Variants in CACNB2 observed in about 807,000 individuals in gnomAD.
CACNB2 encodes voltage-dependent L-type calcium channel subunit beta-2.
A neutral mutation model predicts 73.3 loss-of-function variants in CACNB2; 42 were observed. That is an observed-to-expected ratio of 0.57 (90% CI 0.45 to 0.74). The LOEUF is 0.74. CACNB2 is among the 30% of genes least tolerant of loss of function. The pLI is 0.00. For synonymous variants in CACNB2, 348 were observed against 310.3 expected (o/e 1.12, Z -1.28); for missense variants, 940 against 853.0 (o/e 1.10, Z -1.27).
At chr10:18,450,167 C>T (rs556647863) in intron 3 of CACNB2, among the ~76,000 whole-genome samples, 1 of 152,256 alleles carries the variant, frequency 6.6e-6, no homozygotes, top group South Asian at 2.1e-4. Context: ...AAAGAATAAA[C>T]GGTAGGTAAA....
chr10:18,528,656 G>A (rs1373986250), intron 10 of CACNB2, among the ~76,000 whole-genome samples: 1 of 151,872 alleles, frequency 6.6e-6, no homozygotes, highest in Non-Finnish European at 1.5e-5. Flanking sequence ...ATACATTATA[G>A]AACTCAGTTT....
At chr10:18,535,828 TA>T (rs2053518830) in intron 11 of CACNB2, among the ~76,000 whole-genome samples, 1 of 152,104 alleles carries the variant, frequency 6.6e-6, no homozygotes, top group Non-Finnish European at 1.5e-5. Context: ...AATTTTTAAA[TA>T]AATGTTTTAA....
At chr10:18,394,200 G>A (rs906006957) in intron 2 of CACNB2, among the ~76,000 whole-genome samples, 3 of 152,032 alleles carry the variant, frequency 2.0e-5, no homozygotes, top group African/African-American at 7.2e-5. Context: ...CTGGTGATCT[G>A]CCTGCCTCGG....
rs751930257 is a variant in CACNB2, at chr10:18,214,626, CAAAAAAA to C, written c.213+63674_213+63680del. On this transcript the variant is annotated intron_variant, in intron 2 of 13. Coordinates refer to ENST00000324631, the MANE Select transcript of CACNB2 (RefSeq NM_201596.3). The stretch of plus-strand genomic sequence containing the variant: ...TGGGCAATGGAGTGAGACTCCATCT[CAAAAAAA>C]AAAAAAAAAAAAAAAAAAAAAATTA... 1.2e-3 allele frequency among the ~76,000 whole-genome samples: 18 copies of C among 15,102 alleles called. 1 individual carries two copies. Among genetic ancestry groups the C allele is most frequent in the African/African-American group, 1.8e-3 (17 of 9,246 alleles). The allele number at this position is 15,102 out of a possible 152,430, so 9.9% of individuals were successfully genotyped here.
At chr10:18,384,100 T>C (rs1340454197) in intron 2 of CACNB2, among the ~76,000 whole-genome samples, 1 of 152,114 alleles carries the variant, frequency 6.6e-6, no homozygotes, top group African/African-American at 2.4e-5. Flanking sequence ...AGAAGCAAGG[T>C]TATCAGGGCC....
rs555862982 is a variant in CACNB2, at chr10:18,371,204, ATT to A, written c.214-30717_214-30716del. ...GATTACTGTTAAGTTTACTGTTTTT[ATT>A]TTGTTTTTTTTAATTATACTTTAAG... is the stretch of plus-strand genomic sequence containing the variant. On this transcript the variant is annotated intron_variant, in intron 2 of 13. Transcript: ENST00000324631. 8.0e-3 allele frequency among the ~76,000 whole-genome samples: 1,092 copies of A among 137,148 alleles called. 21 individuals carry two copies. Among genetic ancestry groups the A allele is most frequent in the African/African-American group, 0.028 (1,036 of 37,336 alleles). 90.0% of individuals were successfully genotyped at this position (137,148 alleles called of 152,430 possible). A position where few individuals can be genotyped will look rare whatever the true frequency, so the allele number is the denominator to read the frequency against.
intron 2 of CACNB2, among the ~76,000 whole-genome samples, chr10:18,178,973 A>C (rs1415696118): frequency 1.3e-5 from 2 of 152,130 alleles, no homozygotes; most frequent in African/African-American, 2.4e-5. Context: ...TATAGAAAGC[A>C]CTTGAGACTC....
chr10:18,379,609 C>T (rs1473859307), intron 2 of CACNB2, among the ~76,000 whole-genome samples: 1 of 152,168 alleles, frequency 6.6e-6, no homozygotes, highest in Non-Finnish European at 1.5e-5. Flanking sequence ...ACATTTTCGT[C>T]TTTCCTGGCT....
At chr10:18,220,906 C>T (rs1470247292) in intron 2 of CACNB2, among the ~76,000 whole-genome samples, 1 of 152,190 alleles carries the variant, frequency 6.6e-6, no homozygotes, top group African/African-American at 2.4e-5. Context: ...TGAAACCGGC[C>T]TCTGGTGCCA....
chr10:18,463,819 C>T (rs758775282), intron 3 of CACNB2, among the ~76,000 whole-genome samples: 1 of 152,018 alleles, frequency 6.6e-6, no homozygotes, highest in Non-Finnish European at 1.5e-5. Context: ...TATGGAGTGG[C>T]CCATGATCAG....
chr10:18,235,216 GCTGGGGCAGGAGGATCGCTGGAGA>G (rs1452300790), intron 2 of CACNB2, among the ~76,000 whole-genome samples: 4 of 151,878 alleles, frequency 2.6e-5, no homozygotes, highest in African/African-American at 9.7e-5. Flanking sequence ...ACTTTGGGAG[GCTGGGGCAGGAGGATCGCTGGAGA>G]CTGGGCATTC....
Position 18,179,428 on chromosome 10 carries a change from C to G in CACNB2, c.213+28453C>G, listed in dbSNP as rs550345773. Among the ~76,000 whole-genome samples, 7 of 152,280 alleles carry G rather than the reference C, an allele frequency of 4.6e-5. No individual in the cohort carries two copies. In the South Asian group the frequency reaches 1.5e-3, roughly 32 times the overall value. On this transcript the variant is annotated intron_variant, in intron 2 of 13. Coordinates refer to ENST00000324631, the MANE Select transcript of CACNB2 (RefSeq NM_201596.3). ...TGCATCCCACCCCAACCATTATGTT[C>G]TTTCCATTTAGTCTGTAACTTACCT...
intron 2 of CACNB2, among the ~76,000 whole-genome samples, chr10:18,337,356 C>T (rs1365610538): frequency 6.6e-6 from 1 of 152,140 alleles, no homozygotes; most frequent in Non-Finnish European, 1.5e-5. Flanking sequence ...TCCATCTCAG[C>T]CTCCCAAAGT....
At chr10:18,259,560 CAAACAAAAAA>C (rs1424853105) in intron 2 of CACNB2, among the ~76,000 whole-genome samples, 4 of 77,656 alleles carry the variant, frequency 5.2e-5, no homozygotes, top group Non-Finnish European at 6.9e-5. Flanking sequence ...AAACAAAAAA[CAAACAAAAAA>C]AAAAAGTAAA....
intron 1 of CACNB2, chr10:18,141,113 C>G (rs566307514): frequency 1.3e-6 from 2 of 1,549,428 alleles, no homozygotes; most frequent in African/African-American, 2.7e-5. Flanking sequence ...CCAGTCCTCC[C>G]AGACTTCTCC....
At chr10:18,502,824 G>A (rs114371022) in intron 5 of CACNB2, among the ~76,000 whole-genome samples, 20,471 of 151,786 alleles carry the variant, frequency 0.13, 1,586 homozygotes, top group Middle Eastern at 0.2. Context: ...AGGATGGGAG[G>A]AGGGTGAGGA....
At chr10:18,206,273 G>C (rs1282047305) in intron 2 of CACNB2, 1 of 152,390 alleles carries the variant, frequency 6.6e-6, no homozygotes, top group Non-Finnish European at 1.5e-5. Flanking sequence ...GACTACAGGC[G>C]TGAGCCACTG....
chr10:18,199,106 A>T (rs2034757871), intron 2 of CACNB2, among the ~76,000 whole-genome samples: 1 of 152,160 alleles, frequency 6.6e-6, no homozygotes, highest in Non-Finnish European at 1.5e-5. Flanking sequence ...GAAAAGTACT[A>T]GCAAAAAAGC....
At chr10:18,410,567 TAGG>T (rs930163705) in intron 3 of CACNB2, among the ~76,000 whole-genome samples, 3 of 151,894 alleles carry the variant, frequency 2.0e-5, no homozygotes, top group Non-Finnish European at 2.9e-5. Context: ...ATATGGGAGG[TAGG>T]AGAGAAATAT....
Sources: gnomAD v4.1 joint callset for allele counts (sites outside exome capture counted in the v4.1 genomes callset) on GRCh38, gnomAD v4.1.1 for gene constraint, MANE v1.5 for transcripts, NCBI Gene and HGNC (gene_info 2026-07-23, HGNC 2026-07-21) for gene names.